COL21A1: variants seen among roughly 807,000 people sequenced by gnomAD.
COL21A1 encodes collagen type XXI alpha 1 chain, also known as collagen alpha-1(XXI) chain.
COL21A1 carries 149 observed loss-of-function variants against 137.9 expected under a neutral mutation model. The observed-to-expected ratio is 1.08, with a 90% CI of 0.95 to 1.24. COL21A1 has a LOEUF of 1.24. COL21A1 is among the 50% of genes most tolerant of loss of function. The pLI, the probability that COL21A1 is intolerant of heterozygous loss-of-function variation, is 0.00. For missense variants in COL21A1, 1,167 were observed against 1,158.4 expected, an observed-to-expected ratio of 1.01 and a Z score of -0.11; for synonymous variants, 456 against 391.5, an observed-to-expected ratio of 1.16 and a Z score of -1.95.
intron 1 of COL21A1, among the ~76,000 whole-genome samples, chr6:56,232,368 C>A (rs1196596968): frequency 6.6e-6 from 1 of 151,820 alleles, no homozygotes; most frequent in Non-Finnish European, 1.5e-5. Flanking sequence ...ACTAGTGTGA[C>A]AAAGTGAATT....
intron 16 of COL21A1, 33 bp from the exon 17 acceptor site, chr6:56,101,558 T>C: frequency 6.6e-7 from 1 of 1,525,184 alleles, no homozygotes; most frequent in Non-Finnish European, 8.9e-7. Context: ...AAATAGAGAA[T>C]TCAGTTTTGA....
At chr6:56,139,265 T>A (rs1774223304) in intron 12 of COL21A1, among the ~76,000 whole-genome samples, 1 of 152,170 alleles carries the variant, frequency 6.6e-6, no homozygotes, top group Non-Finnish European at 1.5e-5. Context: ...TAGCATTTAA[T>A]TTAGGCCAAC....
intron 1 of COL21A1, among the ~76,000 whole-genome samples, chr6:56,220,288 G>C (rs1780750306): frequency 6.6e-6 from 1 of 152,066 alleles, no homozygotes; most frequent in African/African-American, 2.4e-5. Context: ...AAAGAATTCT[G>C]GTGCTACAGA....
intron 2 of COL21A1, among the ~76,000 whole-genome samples, chr6:56,181,393 T>A (rs1350313305): frequency 6.7e-6 from 1 of 148,858 alleles, no homozygotes; most frequent in East Asian, 1.9e-4. Flanking sequence ...TTGTTTTTTG[T>A]TTTTTGTTTT....
chr6:56,135,583 T>A (rs1773936414), intron 12 of COL21A1, among the ~76,000 whole-genome samples: 1 of 152,146 alleles, frequency 6.6e-6, no homozygotes, highest in African/African-American at 2.4e-5. Context: ...GATCCAATAA[T>A]CAATTTCACT....
In COL21A1 at chr6:56,192,183, G is replaced by A. The variant is rs563435602; in HGVS notation, c.-38-9527C>T. On this transcript the variant is annotated intron_variant, in intron 1 of 29. Transcript: ENST00000244728. Reference sequence around the variant, plus strand: ...TGAAACTGGACCCCTTCGTTACACCGTATACAAAAATCAACTCAAGATAGA... The same window carrying A: ...TGAAACTGGACCCCTTCGTTACACCATATACAAAAATCAACTCAAGATAGA... Among the ~76,000 whole-genome samples the A allele has an allele frequency of 5.3e-5, 8 of 152,092 alleles. 1 individual carries two copies. Among genetic ancestry groups the A allele is most frequent in the South Asian group, 4.1e-4 (2 of 4,820 alleles).
At position 56,067,271 on chromosome 6, in the gene COL21A1, A is replaced by T. The variant is rs570451846; in HGVS notation, c.2127+24T>A. 8 of 1,590,868 alleles carry T rather than the reference A, an allele frequency of 5.0e-6. No individual in the cohort carries two copies. The African/African-American group carries it at 9.4e-5, about 19-fold the overall frequency. ...AAGCTCTGATTTTATTGCTCAGCCTACTAAAAAAAAGCAAACAACATACCT... is the reference window on the plus strand; with the variant it reads ...AAGCTCTGATTTTATTGCTCAGCCTTCTAAAAAAAAGCAAACAACATACCT... On this transcript the variant is annotated intron_variant, in intron 23 of 29. Coordinates refer to ENST00000244728, the MANE Select transcript of COL21A1 (RefSeq NM_030820.4).
At chr6:56,392,150 G>GA (rs1160603797) in intron 1 of COL21A1, among the ~76,000 whole-genome samples, 2 of 152,118 alleles carry the variant, frequency 1.3e-5, no homozygotes, top group Non-Finnish European at 2.9e-5. Context: ...CACGCATCAT[G>GA]ATCAAGTGGG....
intron 1 of COL21A1, among the ~76,000 whole-genome samples, chr6:56,271,066 G>T (rs78809414): frequency 2.6e-5 from 4 of 152,184 alleles, no homozygotes; most frequent in Non-Finnish European, 5.9e-5. Context: ...AACAGGAAGA[G>T]GTTGGAACAG....
intron 17 of COL21A1, among the ~76,000 whole-genome samples, chr6:56,096,001 C>T (rs1769286312): frequency 6.6e-6 from 1 of 152,022 alleles, no homozygotes; most frequent in Non-Finnish European, 1.5e-5. Flanking sequence ...CGCCCACCAC[C>T]ACGCCTGGCT....
chr6:56,122,520 GAT>G (rs1772644969), intron 16 of COL21A1, among the ~76,000 whole-genome samples: 3 of 152,014 alleles, frequency 2.0e-5, no homozygotes, highest in African/African-American at 7.2e-5. Context: ...TTCTTTATGG[GAT>G]AATGAAAATG....
At chr6:56,064,476 CCTT>C in intron 24 of COL21A1, 99 bp downstream of exon 24, 1 of 760,814 alleles carries the variant, frequency 1.3e-6, no homozygotes, top group South Asian at 1.6e-5. Context: ...ACTATATTGT[CCTT>C]CTCCCCACCC....
intron 1 of COL21A1, among the ~76,000 whole-genome samples, chr6:56,300,352 C>A (rs951475453): frequency 3.3e-5 from 5 of 151,978 alleles, no homozygotes; most frequent in Non-Finnish European, 5.9e-5. Flanking sequence ...TAACAGGTAC[C>A]TGAGTTTGTT....
intron 3 of COL21A1, among the ~76,000 whole-genome samples, chr6:56,172,604 A>G (rs975872010): frequency 2.2e-4 from 34 of 152,196 alleles, no homozygotes; most frequent in Admixed American, 1.1e-3. Flanking sequence ...TTTTTCAGAT[A>G]AAAGTAAATA....
At chr6:56,125,354 A>G (rs1772962505) in intron 14 of COL21A1, 7 of 362,118 alleles carry the variant, frequency 1.9e-5, no homozygotes, top group Non-Finnish European at 3.0e-5. Flanking sequence ...GATCAACAAT[A>G]CAACATAATC....
chr6:56,180,338 C>G (rs1385549369), intron 2 of COL21A1, among the ~76,000 whole-genome samples: 3 of 152,038 alleles, frequency 2.0e-5, no homozygotes, highest in African/African-American at 7.2e-5. Flanking sequence ...AATTTTCTAC[C>G]AACTCCAGGA....
intron 1 of COL21A1, among the ~76,000 whole-genome samples, chr6:56,305,339 A>G (rs536797415): frequency 6.6e-6 from 1 of 152,140 alleles, no homozygotes; most frequent in African/African-American, 2.4e-5. Flanking sequence ...GGGGTGTTAA[A>G]GTCTCCCATG....
chr6:56,088,381 C>T (rs1008470443), intron 17 of COL21A1, among the ~76,000 whole-genome samples: 1 of 152,048 alleles, frequency 6.6e-6, no homozygotes, highest in African/African-American at 2.4e-5. Flanking sequence ...AATAATTTTG[C>T]TCTTTAAAAA....
intron 20 of COL21A1, among the ~76,000 whole-genome samples, chr6:56,071,210 G>A (rs528961859): frequency 2.0e-5 from 3 of 151,720 alleles, no homozygotes; most frequent in Non-Finnish European, 3.0e-5. Context: ...CTGAAGGAAA[G>A]AAAAGTAGCT....
Sources: gnomAD v4.1 joint callset for allele counts (sites outside exome capture counted in the v4.1 genomes callset) on GRCh38, gnomAD v4.1.1 for gene constraint, MANE v1.5 for transcripts, NCBI Gene and HGNC (gene_info 2026-07-23, HGNC 2026-07-21) for gene names.